Variants in UBAC2 observed in about 807,000 individuals in gnomAD.
The protein encoded by UBAC2 is UBA domain containing 2.
A neutral mutation model predicts 44.0 loss-of-function variants in UBAC2; 26 were observed. That is an observed-to-expected ratio of 0.59 (90% CI 0.43 to 0.82). The LOEUF (loss-of-function observed/expected upper bound fraction) is 0.82, where lower values mean the gene tolerates loss of function less well. Among genes scored for constraint, UBAC2 ranks in the 40% least tolerant of loss-of-function variants. The pLI, the probability that UBAC2 is intolerant of heterozygous loss-of-function variation, is 0.00. For synonymous variants in UBAC2, 155 were observed against 154.3 expected (o/e 1.00, Z -0.04); for missense variants, 329 against 419.4 (o/e 0.78, Z 1.88).
intron 5 of UBAC2, among the ~76,000 whole-genome samples, chr13:99,315,948 A>T (rs796703929): frequency 5.3e-5 from 8 of 151,990 alleles, no homozygotes; most frequent in African/African-American, 1.9e-4. Context: ...GGTTTTTGCC[A>T]TTAAAGTAAG....
At chr13:99,287,825 T>C (rs1235453718) in intron 4 of UBAC2, among the ~76,000 whole-genome samples, 1 of 152,134 alleles carries the variant, frequency 6.6e-6, no homozygotes, top group African/African-American at 2.4e-5. Context: ...TGTTCAACTT[T>C]AGGACCTTCT....
chr13:99,298,963 G>A (rs552827001), intron 4 of UBAC2, among the ~76,000 whole-genome samples: 1 of 151,988 alleles, frequency 6.6e-6, no homozygotes, highest in African/African-American at 2.4e-5. Context: ...AAATCTAAAT[G>A]TATATTTTTG....
At chr13:99,335,161 T>C (rs1303437631) in intron 6 of UBAC2, among the ~76,000 whole-genome samples, 1 of 152,216 alleles carries the variant, frequency 6.6e-6, no homozygotes, top group East Asian at 1.9e-4. Context: ...ACAATCACAG[T>C]TGAATACTTT....
chr13:99,253,796 G>T (rs2043492649), intron 4 of UBAC2, among the ~76,000 whole-genome samples: 1 of 152,228 alleles, frequency 6.6e-6, no homozygotes, highest in Non-Finnish European at 1.5e-5. Flanking sequence ...TTACAGGCGT[G>T]AGCCACCACG....
intron 6 of UBAC2, among the ~76,000 whole-genome samples, chr13:99,334,038 C>A (rs2044753190): frequency 6.6e-6 from 1 of 152,208 alleles, no homozygotes; most frequent in Non-Finnish European, 1.5e-5. Flanking sequence ...ACCTCGAATT[C>A]TTGGGTCAAG....
intron 4 of UBAC2, among the ~76,000 whole-genome samples, chr13:99,297,773 T>C (rs759107060): frequency 4.6e-5 from 7 of 151,944 alleles, no homozygotes; most frequent in Non-Finnish European, 7.4e-5. Context: ...TGGGTTGAGC[T>C]TGCCTATTAC....
chr13:99,384,050 C>G (rs902723768), intron 8 of UBAC2, among the ~76,000 whole-genome samples: 2 of 152,222 alleles, frequency 1.3e-5, no homozygotes, highest in African/African-American at 4.8e-5. Flanking sequence ...AGGCCCATGC[C>G]CGGCCCCTCC....
At position 99,295,666 on chromosome 13, in the gene UBAC2, A is replaced by G. The variant is rs559635351; in HGVS notation, c.390-18431A>G. On this transcript the variant is annotated intron_variant, in intron 4 of 8. Coordinates refer to ENST00000403766, the MANE Select transcript of UBAC2 (RefSeq NM_001144072.2). This position sits in a 1 kb window ranked among gnomAD's most constrained non-coding sequence, Gnocchi z 4.1. Reference sequence around the variant, plus strand: ...TGATGAGGAGTGGGAGTGTCTGAGCAAATACTAGAATCCAGACAAATATGC... The same window carrying G: ...TGATGAGGAGTGGGAGTGTCTGAGCGAATACTAGAATCCAGACAAATATGC... The G allele has an allele frequency of 6.2e-7, 1 of 1,614,168 alleles. No individual in the cohort carries two copies. Among genetic ancestry groups the G allele is most frequent in the African/African-American group, 1.3e-5 (1 of 75,032 alleles).
At chr13:99,242,514 C>G (rs1323930784) in intron 2 of UBAC2, among the ~76,000 whole-genome samples, 2 of 144,094 alleles carry the variant, frequency 1.4e-5, no homozygotes, top group African/African-American at 5.2e-5. Flanking sequence ...GGCTGCCCCC[C>G]CCACCTCCCT....
chr13:99,258,477 C>T, intron 4 of UBAC2: 1 of 152,106 alleles, frequency 6.6e-6, no homozygotes, highest in African/African-American at 2.4e-5. Context: ...TTTATGAAGT[C>T]ACACTTAGCA....
intron 4 of UBAC2, chr13:99,255,084 A>G (rs765661875): frequency 6.2e-7 from 1 of 1,614,110 alleles, no homozygotes; most frequent in East Asian, 2.2e-5. Flanking sequence ...AGGGATTGTA[A>G]CTGTTCTCCC....
intron 5 of UBAC2, among the ~76,000 whole-genome samples, chr13:99,317,069 A>G (rs1382777614): frequency 6.6e-6 from 1 of 152,194 alleles, no homozygotes; most frequent in Non-Finnish European, 1.5e-5. Flanking sequence ...GCTCATTTCT[A>G]ACTGAGCCTA....
chr13:99,275,588 C>G (rs1002775398), intron 4 of UBAC2, among the ~76,000 whole-genome samples: 2 of 151,778 alleles, frequency 1.3e-5, no homozygotes, highest in Non-Finnish European at 2.9e-5. Context: ...TTTGTGGATG[C>G]GATATTTTTT....
chr13:99,288,485 C>G (rs959149603), intron 4 of UBAC2, among the ~76,000 whole-genome samples: 3 of 152,184 alleles, frequency 2.0e-5, no homozygotes, highest in African/African-American at 7.2e-5. Context: ...TTGTATTGCC[C>G]TCTTAAACAG....
rs138502977 is a variant in UBAC2, at chr13:99,367,376, C to G, written c.808-411C>G. On this transcript the variant is annotated intron_variant, in intron 7 of 8. Coordinates refer to ENST00000403766, the MANE Select transcript of UBAC2 (RefSeq NM_001144072.2). Reference sequence around the variant, plus strand: ...ATGGAAACACCAGATTTCTGGCTGCCCTCAGTGATTTAGCCTCGTCTCCAT... The same window carrying G: ...ATGGAAACACCAGATTTCTGGCTGCGCTCAGTGATTTAGCCTCGTCTCCAT... Among the ~76,000 whole-genome samples the G allele has an allele frequency of 9.2e-5, 14 of 152,288 alleles. No homozygotes were observed. In the East Asian group the frequency reaches 2.7e-3, roughly 29 times the overall value.
At chr13:99,324,212 A>G (rs1459999644) in intron 6 of UBAC2, among the ~76,000 whole-genome samples, 1 of 152,218 alleles carries the variant, frequency 6.6e-6, no homozygotes, top group Non-Finnish European at 1.5e-5. Context: ...TTGTTCAAAT[A>G]TATTTGGTCA....
At chr13:99,325,405 T>C (rs1367944518) in intron 6 of UBAC2, among the ~76,000 whole-genome samples, 1 of 152,206 alleles carries the variant, frequency 6.6e-6, no homozygotes, top group Non-Finnish European at 1.5e-5. Context: ...GCCCGGCCTA[T>C]GTCTATGCTC....
chr13:99,256,021 A>T, intron 4 of UBAC2: 1 of 672,936 alleles, frequency 1.5e-6, no homozygotes, highest in African/African-American at 1.8e-5. Context: ...GCATTTAATC[A>T]AGGAACGATT....
intron 7 of UBAC2, among the ~76,000 whole-genome samples, chr13:99,362,859 A>T (rs1369823033): frequency 6.6e-6 from 1 of 152,228 alleles, no homozygotes; most frequent in Non-Finnish European, 1.5e-5. Context: ...TAATTCAGTA[A>T]CAATTGAACT....
Sources: gnomAD v4.1 joint callset for allele counts (sites outside exome capture counted in the v4.1 genomes callset) on GRCh38, gnomAD v4.1.1 for gene constraint, Gnocchi (gnomAD v3.1) non-coding constraint, MANE v1.5 for transcripts, NCBI Gene and HGNC (gene_info 2026-07-23, HGNC 2026-07-21) for gene names.